Variants in THSD7B observed in about 807,000 individuals in gnomAD.
The protein encoded by THSD7B is thrombospondin type 1 domain containing 7B.
Under a neutral mutation model 213.6 loss-of-function variants are expected in THSD7B, and 138 were observed. That is an observed-to-expected ratio of 0.65 (90% CI 0.56 to 0.74). THSD7B has a LOEUF of 0.74. Ranked by LOEUF, THSD7B falls within the 30% of genes least tolerant of loss-of-function variation. THSD7B has a pLI of 0.00. For missense variants in THSD7B, 1,931 were observed against 1,991.5 expected (o/e 0.97, Z 0.58); for synonymous variants, 742 against 687.0 (o/e 1.08, Z -1.25).
At chr2:137,580,469 A>T (rs1379738876) in intron 17 of THSD7B, among the ~76,000 whole-genome samples, 2 of 152,164 alleles carry the variant, frequency 1.3e-5, no homozygotes, top group African/African-American at 4.8e-5. Context: ...TAGTCTTAGG[A>T]TTTCCTGACA....
At chr2:136,998,953 CA>C (rs1558882042) in intron 2 of THSD7B, among the ~76,000 whole-genome samples, 86 of 150,300 alleles carry the variant, frequency 5.7e-4, no homozygotes, top group Non-Finnish European at 9.5e-4. Context: ...CACACACACA[CA>C]CACACCCCTG....
At chr2:137,057,531 A>G (rs905300664) in intron 3 of THSD7B, among the ~76,000 whole-genome samples, 7 of 152,230 alleles carry the variant, frequency 4.6e-5, no homozygotes, top group African/African-American at 1.7e-4. Flanking sequence ...ATCTGCCATT[A>G]CAACAGTGAT....
In THSD7B at chr2:137,198,115, A is replaced by C. The variant is rs529195597; in HGVS notation, c.1723+27177A>C. Among the ~76,000 whole-genome samples, 23 of 152,258 alleles carry C rather than the reference A, an allele frequency of 1.5e-4. 1 individual carries two copies. The highest frequency in any genetic ancestry group is 1.5e-3 in the South Asian group (7 of 4,820). ...CAAATTTTCATTACATCTTTACCAAAGGATAAAAAGAGAAATGGAAATACT... is the reference window on the plus strand; with the variant it reads ...CAAATTTTCATTACATCTTTACCAACGGATAAAAAGAGAAATGGAAATACT... On this transcript the variant is annotated intron_variant, in intron 7 of 27. Transcript: ENST00000409968.
intron 12 of THSD7B, among the ~76,000 whole-genome samples, chr2:137,393,277 A>C (rs1424382633): frequency 4.0e-5 from 6 of 151,706 alleles, no homozygotes; most frequent in Non-Finnish European, 7.4e-5. Flanking sequence ...GTCATCTAGC[A>C]TTAGGTATAT....
At chr2:137,657,962 C>G (rs541150952) in intron 24 of THSD7B, among the ~76,000 whole-genome samples, 1 of 152,186 alleles carries the variant, frequency 6.6e-6, no homozygotes, top group Non-Finnish European at 1.5e-5. Flanking sequence ...CTGCCCGCCT[C>G]GGCCTCCCAA....
At chr2:137,669,677 T>C (rs1483943392) in intron 27 of THSD7B, among the ~76,000 whole-genome samples, 1 of 152,080 alleles carries the variant, frequency 6.6e-6, no homozygotes, top group Non-Finnish European at 1.5e-5. Context: ...CAGTGTAAGG[T>C]AATTAGATAG....
At chr2:137,553,237 G>T (rs1157286259) in intron 15 of THSD7B, among the ~76,000 whole-genome samples, 1 of 152,132 alleles carries the variant, frequency 6.6e-6, no homozygotes, top group Non-Finnish European at 1.5e-5. Context: ...TTGACTTGCA[G>T]CTTCACTAGA....
In THSD7B at chr2:136,903,011, T is replaced by A. The variant is rs73957706; in HGVS notation, c.139+20694T>A. The stretch of plus-strand genomic sequence containing the variant: ...AGCTCTGTTCGTACTAGGGTATGAG[T>A]GTGGCCCAGTTGTGCCTCCCTGCTG... On this transcript the variant is annotated intron_variant, in intron 2 of 27. Coordinates refer to ENST00000409968, the MANE Select transcript of THSD7B (RefSeq NM_001316349.2). Among the ~76,000 whole-genome samples the A allele has an allele frequency of 9.3e-3, 1,415 of 152,322 alleles. 23 individuals are homozygous for A. The highest frequency in any genetic ancestry group is 0.032 in the African/African-American group (1,321 of 41,562).
At chr2:137,626,052 A>T (rs1251974013) in intron 20 of THSD7B, among the ~76,000 whole-genome samples, 2 of 152,212 alleles carry the variant, frequency 1.3e-5, no homozygotes, top group African/African-American at 4.8e-5. Flanking sequence ...GGATGTGGGT[A>T]GCAGATCTCT....
chr2:137,558,488 A>G (rs1681034705), intron 15 of THSD7B, among the ~76,000 whole-genome samples: 1 of 152,244 alleles, frequency 6.6e-6, no homozygotes, highest in African/African-American at 2.4e-5. Flanking sequence ...ATAGATGCAG[A>G]AAAGGCCTTC....
intron 15 of THSD7B, among the ~76,000 whole-genome samples, chr2:137,520,628 G>A (rs765990540): frequency 3.9e-5 from 6 of 152,234 alleles, no homozygotes; most frequent in Non-Finnish European, 5.9e-5. Flanking sequence ...TACAGTAGGA[G>A]TGCTCGTAAG....
chr2:137,034,634 G>A (rs989578649), intron 2 of THSD7B, among the ~76,000 whole-genome samples: 17 of 151,926 alleles, frequency 1.1e-4, no homozygotes, highest in African/African-American at 4.1e-4. Flanking sequence ...CCCTCCTTGT[G>A]TGTCCATGTG....
At chr2:137,445,127 G>A (rs1687509990) in intron 14 of THSD7B, among the ~76,000 whole-genome samples, 1 of 151,914 alleles carries the variant, frequency 6.6e-6, no homozygotes, top group Non-Finnish European at 1.5e-5. Context: ...GTGAGGATAT[G>A]GAAAAAGAAG....
intron 1 of THSD7B, among the ~76,000 whole-genome samples, chr2:136,814,579 T>C (rs1682440780): frequency 6.6e-6 from 1 of 152,134 alleles, no homozygotes; most frequent in Non-Finnish European, 1.5e-5. Context: ...TTTGTAATTT[T>C]AGTAGAGACG....
chr2:136,809,827 G>A (rs781445713), intron 1 of THSD7B, among the ~76,000 whole-genome samples: 1 of 152,112 alleles, frequency 6.6e-6, no homozygotes, highest in Non-Finnish European at 1.5e-5. Context: ...GACTTGGGTG[G>A]TGGAGATGAC....
intron 1 of THSD7B, among the ~76,000 whole-genome samples, chr2:136,810,231 G>A (rs1682352810): frequency 6.6e-6 from 1 of 152,170 alleles, no homozygotes; most frequent in Non-Finnish European, 1.5e-5. Flanking sequence ...CCACAGAGGA[G>A]CTAAGCTGAA....
intron 6 of THSD7B, among the ~76,000 whole-genome samples, chr2:137,163,625 G>A (rs1178204246): frequency 3.9e-5 from 6 of 152,212 alleles, no homozygotes; most frequent in Non-Finnish European, 7.3e-5. Context: ...AGCATGTGGA[G>A]CATGGCCCTG....
chr2:137,357,191 T>A (rs1330134039), intron 12 of THSD7B, among the ~76,000 whole-genome samples: 1 of 152,174 alleles, frequency 6.6e-6, no homozygotes, highest in Non-Finnish European at 1.5e-5. Context: ...GGAAAGTCAC[T>A]TTTAAGGAAA....
At chr2:136,786,580 A>G (rs543521810) in intron 1 of THSD7B, among the ~76,000 whole-genome samples, 10 of 152,200 alleles carry the variant, frequency 6.6e-5, no homozygotes, top group African/African-American at 2.4e-4. Context: ...AGTTAATCAG[A>G]CGTTTCATCT....
Sources: gnomAD v4.1 joint callset for allele counts (sites outside exome capture counted in the v4.1 genomes callset) on GRCh38, gnomAD v4.1.1 for gene constraint, MANE v1.5 for transcripts, NCBI Gene and HGNC (gene_info 2026-07-23, HGNC 2026-07-21) for gene names.